SLC43A2: variants seen among roughly 807,000 people sequenced by gnomAD.
The protein encoded by SLC43A2 is solute carrier family 43 member 2, also known as large neutral amino acids transporter small subunit 4.
In SLC43A2, 38 loss-of-function variants were observed where a neutral mutation model predicts 63.2. The observed-to-expected ratio is 0.60, with a 90% CI of 0.46 to 0.79. The LOEUF is 0.79. Among genes scored for constraint, SLC43A2 ranks in the 30% least tolerant of loss-of-function variants. The probability of loss-of-function intolerance (pLI) is 0.00; values close to 1 mark genes in which losing one functional copy is unlikely to be tolerated. For missense variants in SLC43A2, 644 were observed against 756.2 expected (o/e 0.85, Z 1.74); for synonymous variants, 322 against 331.0 (o/e 0.97, Z 0.30).
chr17:1,581,333 C>T (rs1277990846), intron 11 of SLC43A2, among the ~76,000 whole-genome samples: 2 of 152,256 alleles, frequency 1.3e-5, no homozygotes, highest in African/African-American at 4.8e-5. Context: ...AGCACTGCCC[C>T]TCGACTGGAC....
chr17:1,623,185 C>T (rs1908326544), intron 2 of SLC43A2, among the ~76,000 whole-genome samples: 1 of 152,216 alleles, frequency 6.6e-6, no homozygotes, highest in Non-Finnish European at 1.5e-5. Flanking sequence ...TTCACTCAGC[C>T]CGTGGGGATC....
At chr17:1,615,639 C>G (rs1023579313) in intron 3 of SLC43A2, among the ~76,000 whole-genome samples, 44 of 149,774 alleles carry the variant, frequency 2.9e-4, no homozygotes, top group Admixed American at 6.6e-4. Flanking sequence ...GTCAGGAGAT[C>G]GAGACCATCC....
chr17:1,598,445 G>C (rs1905540954), intron 5 of SLC43A2, among the ~76,000 whole-genome samples: 1 of 151,624 alleles, frequency 6.6e-6, no homozygotes, highest in South Asian at 2.1e-4. Flanking sequence ...GGGAGGCCCA[G>C]AGAAGGCTTG....
rs2075880560 is a variant in SLC43A2, at chr17:1,573,712, C to T, written c.*1892G>A. The T allele has an allele frequency of 6.6e-6, 1 of 152,078 alleles. No homozygotes were observed. The highest frequency in any genetic ancestry group is 2.4e-5 in the African/African-American group (1 of 41,384). 9.4% of individuals were successfully genotyped at this position (152,078 alleles called of 1,614,324 possible). On this transcript the variant is annotated 3_prime_UTR_variant, in exon 14 of 14. Transcript: ENST00000301335. ...TCGACTCACGGCAATCTCCGTCTCC[C>T]CGGTTCAAGCGATTCTCCTGCCTCA... is the stretch of plus-strand genomic sequence containing the variant.
intron 5 of SLC43A2, among the ~76,000 whole-genome samples, chr17:1,603,974 C>T (rs921808676): frequency 1.3e-5 from 2 of 152,192 alleles, no homozygotes; most frequent in South Asian, 2.1e-4. Context: ...TTGGATCCCA[C>T]GGCTTTTACA....
chr17:1,615,284 A>T (rs939026968), intron 3 of SLC43A2, among the ~76,000 whole-genome samples: 1 of 151,374 alleles, frequency 6.6e-6, no homozygotes, highest in Non-Finnish European at 1.5e-5. Flanking sequence ...TAATTTTTTT[A>T]TTTTTAGTGG....
chr17:1,629,117 T>G (rs551641670), upstream of SLC43A2, among the ~76,000 whole-genome samples: 92 of 152,066 alleles, frequency 6.0e-4, no homozygotes, highest in African/African-American at 2.1e-3. Context: ...CCGCGGCCTC[T>G]CCAGCGGCCT....
chr17:1,616,539 C>A (rs753376670), intron 3 of SLC43A2, 23 bp downstream of exon 3: 36 of 1,591,720 alleles, frequency 2.3e-5, no homozygotes, highest in East Asian at 6.9e-5. Flanking sequence ...CCACTCCCTG[C>A]CCCCTAAGGG....
rs1598449290 is a variant in SLC43A2, at chr17:1,590,745, A to G, written c.1078+57T>C. ...GCTTAACACATTCTGGCCGGTGGCC[A>G]GTGGGCTGGGCTCAGGCCGGGGAGT... On this transcript the variant is annotated intron_variant, in intron 9 of 13. Coordinates refer to ENST00000301335, the MANE Select transcript of SLC43A2 (RefSeq NM_152346.3). 4.5e-6 allele frequency: 7 copies of G among 1,543,920 alleles called. No individual in the cohort carries two copies. The East Asian group carries it at 1.7e-4, about 38-fold the overall frequency.
In SLC43A2 at chr17:1,575,753, G is replaced by A. The variant is rs1227028004; in HGVS notation, c.1561C>T (p.Leu521=). The A allele has an allele frequency of 2.5e-6, 4 of 1,611,480 alleles. No homozygotes were observed. Among genetic ancestry groups the A allele is most frequent in the Non-Finnish European group, 3.4e-6 (4 of 1,179,120 alleles). ...QGDPLWVNVG[L]LLLSLLGFCL... ...AAGCCCAGCAGGCTGAGAAGGAGCA[G>A]CCCCACGTTCACCTGGGGAGGCAGG... is the stretch of plus-strand genomic sequence containing the variant. The change falls in exon 14 of 14, where the codon CTG becomes TTG. Residue 521 remains leucine (L), a synonymous_variant. Transcript: ENST00000301335.
rs1906607517 is a variant in SLC43A2, at chr17:1,606,282, C to T, written c.501+6913G>A. The stretch of plus-strand genomic sequence containing the variant: ...CCTGTCCCCTCTCTGGGGGCATCTG[C>T]CATCCTGCCCTCCTCTCCAGGATCT... On this transcript the variant is annotated intron_variant, in intron 5 of 13. Transcript: ENST00000301335. This position sits in a 1 kb window ranked among gnomAD's most constrained non-coding sequence, Gnocchi z 4.7. 6.6e-6 allele frequency among the ~76,000 whole-genome samples: 1 copy of T among 152,160 alleles called. No individual in the cohort carries two copies. Among genetic ancestry groups the T allele is most frequent in the Non-Finnish European group, 1.5e-5 (1 of 68,034 alleles).
Position 1,575,512 on chromosome 17 carries a change from G to A in SLC43A2, c.*92C>T. Reference sequence around the variant, plus strand: ...GAACGCTGGCACGGAGACGGCGAAGGTCCTGGGGGTGCGTGGGGTACTCTG... The same window carrying A: ...GAACGCTGGCACGGAGACGGCGAAGATCCTGGGGGTGCGTGGGGTACTCTG... On this transcript the variant is annotated 3_prime_UTR_variant, in exon 14 of 14. Coordinates refer to ENST00000301335, the MANE Select transcript of SLC43A2 (RefSeq NM_152346.3). The A allele has an allele frequency of 1.3e-6, 2 of 1,539,460 alleles. No individual in the cohort carries two copies. Among genetic ancestry groups the A allele is most frequent in the Non-Finnish European group, 1.8e-6 (2 of 1,114,516 alleles).
chr17:1,607,399 A>C (rs1211059659), intron 5 of SLC43A2, among the ~76,000 whole-genome samples: 1 of 152,194 alleles, frequency 6.6e-6, no homozygotes, highest in Non-Finnish European at 1.5e-5. Flanking sequence ...AGCCCCAGTC[A>C]GCCCAAGAGT....
chr17:1,580,039 G>T (rs999472514), intron 11 of SLC43A2, among the ~76,000 whole-genome samples: 1 of 151,618 alleles, frequency 6.6e-6, no homozygotes, highest in Non-Finnish European at 1.5e-5. Context: ...CAATTCTCCT[G>T]CCTCAGCCTC....
At position 1,606,284 on chromosome 17, in the gene SLC43A2, A is replaced by G. The variant is rs1278525336; in HGVS notation, c.501+6911T>C. ...TGTCCCCTCTCTGGGGGCATCTGCC[A>G]TCCTGCCCTCCTCTCCAGGATCTGA... On this transcript the variant is annotated intron_variant, in intron 5 of 13. Coordinates refer to ENST00000301335, the MANE Select transcript of SLC43A2 (RefSeq NM_152346.3). This position sits in a 1 kb window ranked among gnomAD's most constrained non-coding sequence, Gnocchi z 4.7. Among the ~76,000 whole-genome samples the G allele has an allele frequency of 4.6e-5, 7 of 152,140 alleles. No homozygotes were observed. The highest frequency in any genetic ancestry group is 4.6e-4 in the Admixed American group (7 of 15,274).
intron 9 of SLC43A2, among the ~76,000 whole-genome samples, chr17:1,588,904 C>G (rs8076758): frequency 6.6e-6 from 1 of 152,094 alleles, no homozygotes; most frequent in Admixed American, 6.5e-5. Context: ...CGGGGCCGTA[C>G]GCGGAGGCGA....
Position 1,571,277 on chromosome 17 carries a change from CCTAA to C in SLC43A2, c.*4323_*4326del, listed in dbSNP as rs1477615756. 1 of 152,336 alleles carries C rather than the reference CCTAA, an allele frequency of 6.6e-6. No individual in the cohort carries two copies. Among genetic ancestry groups the C allele is most frequent in the Non-Finnish European group, 1.5e-5 (1 of 68,110 alleles). The allele number at this position is 152,336 out of a possible 1,614,324, so 9.4% of individuals were successfully genotyped here. On this transcript the variant is annotated 3_prime_UTR_variant, in exon 14 of 14. Coordinates refer to ENST00000301335, the MANE Select transcript of SLC43A2 (RefSeq NM_152346.3). This position sits in a 1 kb window ranked among gnomAD's most constrained non-coding sequence, Gnocchi z 5.2. ...ACCCCACCCCAGGGGACCCCAGGCT[CCTAA>C]CTCTCAGAATCCCACAGTCTGTATT...
intron 6 of SLC43A2, 25 bp from the exon 7 acceptor site, chr17:1,591,724 TGGGGGGGG>T: frequency 4.6e-6 from 1 of 218,408 alleles, no homozygotes; most frequent in Non-Finnish European, 9.3e-6. Flanking sequence ...GGGGACGGGG[TGGGGGGGG>T]GAGGGGGCAG....
chr17:1,584,459 C>T (rs997122201), intron 10 of SLC43A2, among the ~76,000 whole-genome samples: 1 of 152,146 alleles, frequency 6.6e-6, no homozygotes, highest in East Asian at 1.9e-4. Flanking sequence ...TGCATGGAGT[C>T]CTCGGTGGAG....
Sources: gnomAD v4.1 joint callset for allele counts (sites outside exome capture counted in the v4.1 genomes callset) on GRCh38, gnomAD v4.1.1 for gene constraint, Gnocchi (gnomAD v3.1) non-coding constraint, MANE v1.5 for transcripts, NCBI Gene and HGNC (gene_info 2026-07-23, HGNC 2026-07-21) for gene names.